Variants in DBF4 observed in about 807,000 individuals in gnomAD.
The protein encoded by DBF4 is protein DBF4 homolog A.
DBF4 carries 25 observed loss-of-function variants against 76.6 expected under a neutral mutation model. The observed-to-expected ratio is 0.33, with a 90% CI of 0.24 to 0.46. The LOEUF is 0.46. DBF4 is among the 20% of genes least tolerant of loss of function. The pLI is 1.00. For synonymous variants in DBF4, 213 were observed against 258.0 expected (o/e 0.83, Z 1.67); for missense variants, 638 against 760.8 (o/e 0.84, Z 1.90).
At chr7:87,901,978 G>A (rs1433524284) in intron 10 of DBF4, among the ~76,000 whole-genome samples, 1 of 152,060 alleles carries the variant, frequency 6.6e-6, no homozygotes, top group Non-Finnish European at 1.5e-5. Context: ...TTGTTTTTAT[G>A]TAATAAACAA....
rs201494236 is a variant in DBF4 at position 87,907,382 on chromosome 7, C to T, written c.1244C>T (p.Pro415Leu). 6.2e-7 allele frequency: 1 copy of T among 1,613,862 alleles called. No homozygotes were observed. The highest frequency in any genetic ancestry group is 2.2e-5 in the East Asian group (1 of 44,846). Residue 415 changes from proline to leucine, a missense_variant, in exon 12 of 12, where the codon CCC becomes CTC. Coordinates refer to ENST00000265728, the MANE Select transcript of DBF4 (RefSeq NM_006716.4). The stretch of plus-strand genomic sequence containing the variant: ...AAAAAGCTCCTGTTTATTTCAGAGC[C>T]CATCCCCCACCCTTCAAATGAATTG... ...TEKKLLFISE[P>L]IPHPSNELRG...
intron 6 of DBF4, among the ~76,000 whole-genome samples, chr7:87,892,340 AG>A (rs989813905): frequency 1.3e-5 from 2 of 152,194 alleles, no homozygotes; most frequent in Non-Finnish European, 2.9e-5. Flanking sequence ...GGAATCATAC[AG>A]TGTGTTTCCT....
Position 87,909,130 on chromosome 7 carries a change from G to GGATGGCATT in DBF4, c.*970_*978dup, listed in dbSNP as rs1839982336. ...ATTTGGTAGGAGATGAAGGAGAAAA[G>GGATGGCATT]GATGGCATTGAATTATAGATACAGT... On this transcript the variant is annotated 3_prime_UTR_variant, in exon 12 of 12. Transcript: ENST00000265728. The GGATGGCATT allele has an allele frequency of 6.6e-6, 1 of 152,226 alleles. No individual in the cohort carries two copies. Among genetic ancestry groups the GGATGGCATT allele is most frequent in the East Asian group, 1.9e-4 (1 of 5,186 alleles). The allele number at this position is 152,226 out of a possible 1,614,324, so 9.4% of individuals were successfully genotyped here.
chr7:87,876,888 G>C, intron 1 of DBF4, 110 bp downstream of exon 1: 2 of 1,234,272 alleles, frequency 1.6e-6, no homozygotes, highest in Non-Finnish European at 2.3e-6. Context: ...CTTTTCTTCT[G>C]ACCGGCCTCT....
intron 8 of DBF4, among the ~76,000 whole-genome samples, 176 bp downstream of exon 8, chr7:87,897,515 G>A (rs900685258): frequency 2.0e-5 from 3 of 152,162 alleles, no homozygotes; most frequent in Non-Finnish European, 4.4e-5. Flanking sequence ...TGTGCTCAAG[G>A]ACTGAATTTA....
chr7:87,907,301 A>G lies in DBF4; in HGVS notation c.1163A>G (p.Asp388Gly). ...ATTTCTCAGAAAGATTGCCAGGAAG[A>G]TGATACAACAGTGAAGGAGCAGAAT... The part of the protein sequence containing the change: ...QHISQKDCQE[D>G]DTTVKEQNFL... Residue 388 changes from aspartate (D) to glycine (G), a missense_variant, in exon 12 of 12, where the codon GAT becomes GGT. By Grantham distance (94) the Asp-to-Gly change is moderately conservative (BLOSUM62 -1). Coordinates refer to ENST00000265728, the MANE Select transcript of DBF4 (RefSeq NM_006716.4). The G allele has an allele frequency of 6.2e-7, 1 of 1,614,036 alleles. No homozygotes were observed. The highest frequency in any genetic ancestry group is 8.5e-7 in the Non-Finnish European group (1 of 1,179,938).
intron 10 of DBF4, among the ~76,000 whole-genome samples, chr7:87,903,932 G>A (rs1349439485): frequency 6.6e-6 from 1 of 152,084 alleles, no homozygotes; most frequent in African/African-American, 2.4e-5. Flanking sequence ...CTGACCTCGG[G>A]TGATCCGCCC....
intron 2 of DBF4, among the ~76,000 whole-genome samples, chr7:87,881,126 G>C (rs576433850): frequency 6.6e-6 from 1 of 152,330 alleles, no homozygotes; most frequent in Non-Finnish European, 1.5e-5. Context: ...AATGAATCCA[G>C]CCAGGCTCGG....
chr7:87,896,447 A>G (rs1213040796), intron 6 of DBF4, 27 bp from the exon 7 acceptor site: 3 of 1,603,790 alleles, frequency 1.9e-6, no homozygotes, highest in South Asian at 2.2e-5. Context: ...TTCAAAGCCA[A>G]TCTTTTCACT....
chr7:87,893,886 C>A (rs1839559351), intron 6 of DBF4, among the ~76,000 whole-genome samples: 1 of 151,954 alleles, frequency 6.6e-6, no homozygotes, highest in African/African-American at 2.4e-5. Flanking sequence ...TTTCTGTTTC[C>A]CCCTTTCCTG....
intron 6 of DBF4, among the ~76,000 whole-genome samples, chr7:87,891,445 A>G (rs1839488391): frequency 6.6e-6 from 1 of 152,192 alleles, no homozygotes; most frequent in Non-Finnish European, 1.5e-5. Context: ...ATTCTTAACT[A>G]TGAATTCAAT....
rs200119199 is a variant in DBF4 at position 87,907,778 on chromosome 7, C to T, written c.1640C>T (p.Ala547Val). The change falls in exon 12 of 12, where the codon GCA (alanine) becomes GTA (valine). Residue 547 changes from alanine (A) to valine (V), a missense_variant. By Grantham distance (64) the Ala-to-Val change is moderately conservative. Transcript: ENST00000265728. ...TCACAAGAGCACCTAACTGTTCAGG[C>T]AAAGGCTCCATTCCATACTCCTCCT... ...NSSQEHLTVQ[A>V]KAPFHTPPEE... 2.5e-6 allele frequency: 4 copies of T among 1,614,058 alleles called. No individual in the cohort carries two copies. The Admixed American group carries it at 6.7e-5, about 27-fold the overall frequency.
chr7:87,894,167 A>T (rs1270474733), intron 6 of DBF4, among the ~76,000 whole-genome samples: 2 of 152,204 alleles, frequency 1.3e-5, no homozygotes, highest in African/African-American at 2.4e-5. Context: ...AAAAAGTCAT[A>T]TTTTAGGGCT....
intron 10 of DBF4, among the ~76,000 whole-genome samples, chr7:87,901,467 G>C (rs1468904954): frequency 1.3e-5 from 2 of 152,222 alleles, no homozygotes; most frequent in East Asian, 1.9e-4. Context: ...GTGGGACCAA[G>C]AGGATTTGCC....
intron 6 of DBF4, among the ~76,000 whole-genome samples, chr7:87,891,024 A>G (rs569978061): frequency 1.3e-5 from 2 of 152,280 alleles, no homozygotes; most frequent in East Asian, 3.9e-4. Flanking sequence ...TACATTTAAG[A>G]GTCTTGAATG....
At chr7:87,893,951 ATT>A (rs1839561066) in intron 6 of DBF4, among the ~76,000 whole-genome samples, 1 of 151,562 alleles carries the variant, frequency 6.6e-6, no homozygotes, top group African/African-American at 2.4e-5. Flanking sequence ...TTGTTGTTTT[ATT>A]TTAGTGGTTG....
At position 87,907,858 on chromosome 7, in the gene DBF4, A is replaced by G. The variant is rs565154535; in HGVS notation, c.1720A>G (p.Ile574Val). 1.2e-6 allele frequency: 2 copies of G among 1,613,796 alleles called. No homozygotes were observed. The highest frequency in any genetic ancestry group is 1.3e-5 in the African/African-American group (1 of 75,046). ...KNMDSLPSGKIHRKVKIILGR... is the reference protein window; with the variant it reads ...KNMDSLPSGKVHRKVKIILGR... ...TATGGATAGTTTACCTTCTGGTAAAATACATCGAAAAGTGAAAATAATATT... is the reference window on the plus strand; with the variant it reads ...TATGGATAGTTTACCTTCTGGTAAAGTACATCGAAAAGTGAAAATAATATT... Residue 574 changes from isoleucine (I) to valine (V), a missense_variant, in exon 12 of 12, where the codon ATA (isoleucine) becomes GTA (valine). Ile to Val is a conservative substitution (Grantham distance 29). Coordinates refer to ENST00000265728, the MANE Select transcript of DBF4 (RefSeq NM_006716.4).
At chr7:87,887,280 T>C (rs1268914618) in intron 4 of DBF4, 49 bp from the exon 5 acceptor site, 1 of 1,289,284 alleles carries the variant, frequency 7.8e-7, no homozygotes, top group Non-Finnish European at 1.1e-6. Flanking sequence ...AAAATTTAGC[T>C]CATCTTAAAT....
chr7:87,896,962 T>C (rs1331401795), intron 7 of DBF4, among the ~76,000 whole-genome samples: 1 of 152,210 alleles, frequency 6.6e-6, no homozygotes, highest in Non-Finnish European at 1.5e-5. Context: ...AATAGTGTGA[T>C]TTGTTACATT....
Sources: gnomAD v4.1 joint callset for allele counts (sites outside exome capture counted in the v4.1 genomes callset) on GRCh38, gnomAD v4.1.1 for gene constraint, MANE v1.5 for transcripts, NCBI Gene and HGNC (gene_info 2026-07-23, HGNC 2026-07-21) for gene names.